The following CSGALNACT1 variants were observed in gnomAD, a reference collection of about 807,000 sequenced individuals.
CSGALNACT1 encodes the protein chondroitin sulfate N-acetylgalactosaminyltransferase 1.
A neutral mutation model predicts 51.0 loss-of-function variants in CSGALNACT1; 52 were observed. That is an observed-to-expected ratio of 1.02 (90% CI 0.82 to 1.29). CSGALNACT1 has a LOEUF of 1.29. Ranked by LOEUF, CSGALNACT1 falls within the 50% of genes most tolerant of loss-of-function variation. The pLI, the probability that CSGALNACT1 is intolerant of heterozygous loss-of-function variation, is 0.00. For synonymous variants in CSGALNACT1, 341 were observed against 254.4 expected, an observed-to-expected ratio of 1.34 and a Z score of -3.24; for missense variants, 935 against 679.2, an observed-to-expected ratio of 1.38 and a Z score of -4.19.
intron 1 of CSGALNACT1, among the ~76,000 whole-genome samples, chr8:19,649,760 A>T (rs1018607893): frequency 1.5e-5 from 2 of 132,456 alleles, no homozygotes; most frequent in South Asian, 2.5e-4. Context: ...TGTTAAAAAG[A>T]GTAGAAATTT....
chr8:19,738,976 C>T (rs2064150254), intron 1 of CSGALNACT1, among the ~76,000 whole-genome samples: 2 of 152,014 alleles, frequency 1.3e-5, no homozygotes, highest in African/African-American at 4.8e-5. Flanking sequence ...CCCTCCTATA[C>T]AACATTAATC....
chr8:19,713,631 A>G (rs1449983834), intron 1 of CSGALNACT1, among the ~76,000 whole-genome samples: 1 of 152,152 alleles, frequency 6.6e-6, no homozygotes, highest in Admixed American at 6.5e-5. Context: ...AAAGGCAGAC[A>G]CTGGACTGCT....
chr8:19,660,966 G>A (rs535818777), intron 1 of CSGALNACT1, among the ~76,000 whole-genome samples: 1 of 152,284 alleles, frequency 6.6e-6, no homozygotes, highest in African/African-American at 2.4e-5. Flanking sequence ...AGGCTGGAGT[G>A]CAGTGGTGCC....
At chr8:19,641,773 T>C (rs2056772558) in intron 1 of CSGALNACT1, 1 of 152,220 alleles carries the variant, frequency 6.6e-6, no homozygotes, top group Non-Finnish European at 1.5e-5. Context: ...AGCAAAGTGA[T>C]GGCTCATAAT....
At chr8:19,510,447 G>A (rs1023858044) in intron 3 of CSGALNACT1, among the ~76,000 whole-genome samples, 2 of 152,146 alleles carry the variant, frequency 1.3e-5, no homozygotes, top group African/African-American at 4.8e-5. Flanking sequence ...CTAGGATTCT[G>A]TCTTTATTCA....
chr8:19,661,362 G>C (rs536884926), intron 1 of CSGALNACT1, among the ~76,000 whole-genome samples: 6 of 152,176 alleles, frequency 3.9e-5, no homozygotes, highest in Non-Finnish European at 7.3e-5. Flanking sequence ...CCCAGTTCCT[G>C]AATGGAATGC....
chr8:19,657,752 CTAG>C (rs1162221525), intron 1 of CSGALNACT1, among the ~76,000 whole-genome samples: 1 of 152,102 alleles, frequency 6.6e-6, no homozygotes, highest in Admixed American at 6.5e-5. Flanking sequence ...ACAAGAAGTG[CTAG>C]GAGATGAGGA....
At chr8:19,484,000 C>A (rs939499143) in intron 4 of CSGALNACT1, among the ~76,000 whole-genome samples, 1 of 152,092 alleles carries the variant, frequency 6.6e-6, no homozygotes, top group Non-Finnish European at 1.5e-5. Context: ...CCATCCTGTC[C>A]AGGATGTGAA....
At chr8:19,566,618 A>C (rs986060058) in intron 3 of CSGALNACT1, among the ~76,000 whole-genome samples, 30 of 152,182 alleles carry the variant, frequency 2.0e-4, no homozygotes, top group African/African-American at 5.8e-4. Flanking sequence ...ATTTTAAATA[A>C]GTATAATTAA....
At chr8:19,694,426 G>A (rs1239436876) in intron 1 of CSGALNACT1, among the ~76,000 whole-genome samples, 4 of 152,180 alleles carry the variant, frequency 2.6e-5, no homozygotes, top group Non-Finnish European at 5.9e-5. Flanking sequence ...ACCTTAGAAA[G>A]CTCAATTCCT....
At chr8:19,677,500 A>C (rs2060282658) in intron 1 of CSGALNACT1, among the ~76,000 whole-genome samples, 1 of 152,204 alleles carries the variant, frequency 6.6e-6, no homozygotes, top group African/African-American at 2.4e-5. Flanking sequence ...AGGACAGATT[A>C]ACCAACATTA....
chr8:19,421,225 T>C (rs75978794), intron 6 of CSGALNACT1, among the ~76,000 whole-genome samples: 2,980 of 152,264 alleles, frequency 0.02, 85 homozygotes, highest in African/African-American at 0.068. Context: ...ATTAGTGAGA[T>C]AAACAGTGCC....
chr8:19,596,610 AC>A (rs546073154), intron 2 of CSGALNACT1, among the ~76,000 whole-genome samples: 3 of 152,084 alleles, frequency 2.0e-5, no homozygotes, highest in Non-Finnish European at 4.4e-5. Context: ...AAAAAAGACA[AC>A]AAAGTCTAAA....
chr8:19,406,401 G>A (rs73667647), intron 9 of CSGALNACT1, among the ~76,000 whole-genome samples: 4 of 151,292 alleles, frequency 2.6e-5, no homozygotes, highest in South Asian at 4.2e-4. Flanking sequence ...TCTAGTATTC[G>A]GTAGCATTAT....
chr8:19,426,413 G>A (rs1030045259), intron 6 of CSGALNACT1, among the ~76,000 whole-genome samples: 3 of 152,150 alleles, frequency 2.0e-5, no homozygotes, highest in Non-Finnish European at 4.4e-5. Flanking sequence ...AAAATACACT[G>A]CAATATGGTT....
rs565235877 is a variant in CSGALNACT1, at chr8:19,507,216, G to T, written c.-296-1086C>A. 1.1e-4 allele frequency among the ~76,000 whole-genome samples: 17 copies of T among 152,290 alleles called. No individual in the cohort carries two copies. The Middle Eastern group carries it at 0.01, about 91-fold the overall frequency. ...GGGATGAGGATGGGAGAAGAAGAGA[G>T]ATCAGATTCAGAAATACTGTCCTGT... On this transcript the variant is annotated intron_variant, in intron 3 of 9. Transcript: ENST00000454498.
At chr8:19,484,043 A>G (rs2072213021) in intron 4 of CSGALNACT1, among the ~76,000 whole-genome samples, 1 of 152,184 alleles carries the variant, frequency 6.6e-6, no homozygotes, top group African/African-American at 2.4e-5. Flanking sequence ...TAGGCAGTGG[A>G]CACTATCCCC....
At chr8:19,567,055 G>A (rs1307511720) in intron 3 of CSGALNACT1, among the ~76,000 whole-genome samples, 5 of 152,134 alleles carry the variant, frequency 3.3e-5, no homozygotes, top group East Asian at 3.9e-4. Flanking sequence ...CTCCTAATGC[G>A]TGAGTTTTCA....
At chr8:19,418,844 T>C (rs2153693208) in intron 7 of CSGALNACT1, 94 bp from the exon 7 acceptor site, 1 of 834,882 alleles carries the variant, frequency 1.2e-6, no homozygotes, top group Non-Finnish European at 2.0e-6. Context: ...CCCCAGATAT[T>C]TGCACCCACT....
Sources: allele counts gnomAD v4.1 joint callset (sites outside exome capture counted in the v4.1 genomes callset), GRCh38; gene constraint gnomAD v4.1.1; transcripts MANE v1.5; gene names NCBI Gene and HGNC (gene_info 2026-07-23, HGNC 2026-07-21).